Variants in ARB2A observed in about 807,000 individuals in gnomAD.
ARB2A encodes the protein cotranscriptional regulator ARB2A.
chr5:93,677,305 G>A, the ARB2A span, among the ~76,000 whole-genome samples: 1 of 152,188 alleles, frequency 6.6e-6, no homozygotes, highest in African/African-American at 2.4e-5. Context: ...GTGACTCTCT[G>A]ACTGTCTTAA....
At chr5:93,801,178 C>G in the ARB2A span, among the ~76,000 whole-genome samples, 1 of 152,152 alleles carries the variant, frequency 6.6e-6, no homozygotes. Context: ...GGGATCTAAG[C>G]CTCATCACTG....
the ARB2A span, among the ~76,000 whole-genome samples, chr5:93,700,517 A>G: frequency 3.3e-5 from 5 of 152,134 alleles, no homozygotes; most frequent in African/African-American, 1.2e-4. Flanking sequence ...AAAAATGGTG[A>G]TCAAAGATTA....
the ARB2A span, chr5:93,683,596 T>C: frequency 1.5e-5 from 22 of 1,469,510 alleles, no homozygotes; most frequent in Non-Finnish European, 1.2e-5. Context: ...TAAGGATAAC[T>C]GGCGCTCATT....
At chr5:93,894,620 T>C in the ARB2A span, among the ~76,000 whole-genome samples, 1 of 152,162 alleles carries the variant, frequency 6.6e-6, no homozygotes, top group African/African-American at 2.4e-5. Context: ...TATTTATGCA[T>C]TCATTTATCT....
chr5:93,684,061 T>C, the ARB2A span, among the ~76,000 whole-genome samples: 15 of 152,304 alleles, frequency 9.8e-5, no homozygotes, highest in South Asian at 3.1e-3. Flanking sequence ...CTGGAAGGTG[T>C]AAGCCATGAT....
At chr5:93,857,411 G>A in the ARB2A span, among the ~76,000 whole-genome samples, 3,238 of 152,254 alleles carry the variant, frequency 0.021, 103 homozygotes, top group African/African-American at 0.073. Flanking sequence ...AGGCAGGCAG[G>A]CCTCCTTGTG....
At chr5:93,868,737 A>C in the ARB2A span, among the ~76,000 whole-genome samples, 15 of 152,174 alleles carry the variant, frequency 9.9e-5, no homozygotes, top group African/African-American at 3.6e-4. Flanking sequence ...GAGGAGAAAA[A>C]AAATGTGGGT....
chr5:94,026,597 A>G, the ARB2A span, among the ~76,000 whole-genome samples: 1 of 152,214 alleles, frequency 6.6e-6, no homozygotes, highest in African/African-American at 2.4e-5. Flanking sequence ...AGGTGGGCAC[A>G]ACAGTGTAAA....
At chr5:93,892,761 C>T in the ARB2A span, among the ~76,000 whole-genome samples, 1 of 152,238 alleles carries the variant, frequency 6.6e-6, no homozygotes, top group East Asian at 1.9e-4. Context: ...CAGCAATATA[C>T]AACTGTTGCA....
At chr5:93,765,426 G>T in the ARB2A span, among the ~76,000 whole-genome samples, 4 of 152,134 alleles carry the variant, frequency 2.6e-5, no homozygotes, top group Admixed American at 6.5e-5. Context: ...GCCAAATCAT[G>T]AGTGAACTCC....
the ARB2A span, among the ~76,000 whole-genome samples, chr5:94,024,176 C>T: frequency 4.3e-4 from 66 of 152,100 alleles, no homozygotes; most frequent in Admixed American, 1.4e-3. Context: ...TTGGATGTTT[C>T]TGTGAGGATG....
the ARB2A span, among the ~76,000 whole-genome samples, chr5:93,722,577 GAAC>G: frequency 6.6e-6 from 1 of 152,002 alleles, no homozygotes; most frequent in Non-Finnish European, 1.5e-5. Flanking sequence ...CTAACTACAG[GAAC>G]AACATTACAT....
the ARB2A span, among the ~76,000 whole-genome samples, chr5:93,769,755 A>G: frequency 6.6e-6 from 1 of 152,178 alleles, no homozygotes; most frequent in African/African-American, 2.4e-5. Flanking sequence ...CTATGTCTCC[A>G]GCTTCCAGAA....
the ARB2A span, among the ~76,000 whole-genome samples, chr5:94,108,419 T>G: frequency 6.6e-6 from 1 of 152,100 alleles, no homozygotes; most frequent in Non-Finnish European, 1.5e-5. Flanking sequence ...TACAGATACC[T>G]GGTCAACAGA....
chr5:93,876,718 A>C, the ARB2A span, among the ~76,000 whole-genome samples: 1 of 152,140 alleles, frequency 6.6e-6, no homozygotes, highest in South Asian at 2.1e-4. Context: ...GAAATTAAAC[A>C]ATCATTGTTT....
At chr5:94,072,360 A>G in the ARB2A span, among the ~76,000 whole-genome samples, 1 of 150,782 alleles carries the variant, frequency 6.6e-6, no homozygotes. Flanking sequence ...AAACACACTC[A>G]CACACACACA....
the ARB2A span, chr5:93,862,108 T>G: frequency 6.6e-6 from 1 of 152,230 alleles, no homozygotes; most frequent in African/African-American, 2.4e-5. Flanking sequence ...TTTTAAAATT[T>G]ATTACATAGT....
At chr5:93,924,682 C>T in the ARB2A span, among the ~76,000 whole-genome samples, 97 of 152,068 alleles carry the variant, frequency 6.4e-4, no homozygotes, top group Non-Finnish European at 1.1e-3. Context: ...AAATAAGAAA[C>T]AAATAAGAGT....
chr5:94,106,582 A>C, the ARB2A span, among the ~76,000 whole-genome samples: 770 of 152,124 alleles, frequency 5.1e-3, 6 homozygotes, highest in African/African-American at 0.017. Flanking sequence ...AAAGAACCTA[A>C]AACAGAAAGA....
Sources: gnomAD v4.1 joint callset for allele counts (sites outside exome capture counted in the v4.1 genomes callset) on GRCh38, gnomAD v4.1.1 for gene constraint, MANE v1.5 for transcripts, NCBI Gene and HGNC (gene_info 2026-07-23, HGNC 2026-07-21) for gene names.